NRG1: variants seen among roughly 807,000 people sequenced by gnomAD.
NRG1 encodes the protein neuregulin 1, also known as pro-neuregulin-1, membrane-bound isoform.
In NRG1, 18 loss-of-function variants were observed where a neutral mutation model predicts 63.8. The observed-to-expected ratio is 0.28, with a 90% CI of 0.19 to 0.42. The LOEUF (loss-of-function observed/expected upper bound fraction) is 0.42, where lower values mean the gene tolerates loss of function less well. Ranked by LOEUF, NRG1 falls within the 10% of genes least tolerant of loss-of-function variation. The pLI is 1.00. For missense variants in NRG1, 762 were observed against 814.7 expected, an observed-to-expected ratio of 0.94 and a Z score of 0.79; for synonymous variants, 302 against 301.3, an observed-to-expected ratio of 1.00 and a Z score of -0.02.
intron 1 of NRG1, among the ~76,000 whole-genome samples, chr8:32,064,283 G>A (rs1447390366): frequency 6.6e-6 from 1 of 152,124 alleles, no homozygotes; most frequent in African/African-American, 2.4e-5. Flanking sequence ...AGATGGGATG[G>A]AGATTCTGGA....
intron 1 of NRG1, among the ~76,000 whole-genome samples, chr8:32,500,746 G>A (rs893547840): frequency 1.2e-4 from 18 of 152,124 alleles, no homozygotes; most frequent in Non-Finnish European, 2.2e-4. Context: ...TTAAATTATT[G>A]TGAATTACAG....
chr8:32,223,947 G>A (rs7840307), intron 1 of NRG1, among the ~76,000 whole-genome samples: 59,055 of 151,974 alleles, frequency 0.39, 13,349 homozygotes, highest in Middle Eastern at 0.49. Context: ...GATTTTGGAA[G>A]AGTTCACTGT....
At chr8:32,710,218 A>T (rs1246746191) in intron 5 of NRG1, among the ~76,000 whole-genome samples, 1 of 152,236 alleles carries the variant, frequency 6.6e-6, no homozygotes, top group Non-Finnish European at 1.5e-5. Context: ...AAAGAAAATT[A>T]CAAGTCAACA....
intron 6 of NRG1, among the ~76,000 whole-genome samples, chr8:32,729,340 TC>T (rs2129016670): frequency 6.6e-6 from 1 of 152,356 alleles, no homozygotes; most frequent in African/African-American, 2.4e-5. Context: ...TTTGTTTTCC[TC>T]TTTACCAACA....
At chr8:32,291,533 C>CTTTTTT (rs757839225) in intron 1 of NRG1, among the ~76,000 whole-genome samples, 9 of 98,030 alleles carry the variant, frequency 9.2e-5, no homozygotes, top group South Asian at 3.7e-4. Context: ...TTTTTATCCA[C>CTTTTTT]TTTTTTTTTT....
At chr8:32,197,048 C>T (rs1482347012) in intron 1 of NRG1, among the ~76,000 whole-genome samples, 2 of 145,708 alleles carry the variant, frequency 1.4e-5, no homozygotes, top group Admixed American at 7.2e-5. Flanking sequence ...CAACCTTCGC[C>T]TCCCGGGTTC....
chr8:32,481,954 A>G (rs568126762), intron 1 of NRG1, among the ~76,000 whole-genome samples: 1 of 152,348 alleles, frequency 6.6e-6, no homozygotes, highest in Non-Finnish European at 1.5e-5. Flanking sequence ...TTCTAGCAAC[A>G]GTAAAATACC....
chr8:32,180,616 T>G (rs1841332179), intron 1 of NRG1, among the ~76,000 whole-genome samples: 1 of 152,132 alleles, frequency 6.6e-6, no homozygotes, highest in African/African-American at 2.4e-5. Context: ...TTTATTTTGT[T>G]TAAAATTATT....
intron 1 of NRG1, among the ~76,000 whole-genome samples, chr8:31,662,495 C>T (rs939585161): frequency 3.9e-5 from 6 of 152,170 alleles, no homozygotes; most frequent in Non-Finnish European, 7.3e-5. Context: ...CTACCAGGTG[C>T]ACCTGCCACT....
rs1324737678 is a variant in NRG1, at chr8:32,605,694, C to T, written c.400+11C>T. 6.2e-7 allele frequency: 1 copy of T among 1,611,914 alleles called. No homozygotes were observed. The highest frequency in any genetic ancestry group is 8.5e-7 in the Non-Finnish European group (1 of 1,178,732). On this transcript the variant is annotated intron_variant, in intron 3 of 11. Coordinates refer to ENST00000356819, the Ensembl canonical transcript of NRG1. ...TCGTGGAATCAAACGGTAAGAGATA[C>T]CTACGGTATTCTGTTCCTCAATCTG...
rs899605991 is a variant in NRG1 at position 32,366,699 on chromosome 8, A to G, written c.38-229129A>G. On this transcript the variant is annotated intron_variant, in intron 1 of 10. Coordinates refer to the NRG1 transcript ENST00000519301. ...TGTGTATATATATATATATATATAT[A>G]TATATATATATATATCTCACTTTTT... 1.8e-3 allele frequency among the ~76,000 whole-genome samples: 176 copies of G among 98,194 alleles called. 8 individuals are homozygous for G. The highest frequency in any genetic ancestry group is 2.9e-3 in the Non-Finnish European group (124 of 42,550). The allele number at this position is 98,194 out of a possible 152,430, so 64.4% of individuals were successfully genotyped here.
intron 1 of NRG1, among the ~76,000 whole-genome samples, chr8:31,883,052 A>C (rs989948354): frequency 1.3e-5 from 2 of 152,138 alleles, no homozygotes; most frequent in Non-Finnish European, 2.9e-5. Flanking sequence ...ATGCTATCAA[A>C]GAGCATTATA....
chr8:31,897,186 T>A (rs12677480), intron 1 of NRG1, among the ~76,000 whole-genome samples: 46,702 of 151,966 alleles, frequency 0.31, 8,309 homozygotes, highest in East Asian at 0.74. Context: ...CCAAGGGCAT[T>A]CCAAAGTTAA....
At chr8:32,612,754 C>T (rs919815619) in intron 3 of NRG1, among the ~76,000 whole-genome samples, 1 of 151,810 alleles carries the variant, frequency 6.6e-6, no homozygotes, top group African/African-American at 2.4e-5. Flanking sequence ...TCTTGATATC[C>T]GAATTGGGAT....
At chr8:32,580,055 C>T (rs1409709782) in intron 1 of NRG1, among the ~76,000 whole-genome samples, 2 of 152,120 alleles carry the variant, frequency 1.3e-5, no homozygotes, top group South Asian at 4.1e-4. Flanking sequence ...TATAGTCAGC[C>T]CTTCCTATGC....
intron 1 of NRG1, among the ~76,000 whole-genome samples, chr8:31,824,037 C>T (rs1003797744): frequency 3.3e-5 from 5 of 151,654 alleles, no homozygotes; most frequent in African/African-American, 1.2e-4. Flanking sequence ...TTTTATTATA[C>T]TTTAAGTTTT....
In NRG1 at chr8:31,956,436, T is replaced by C. The variant is rs534538457; in HGVS notation, c.37+317005T>C. 2.6e-5 allele frequency among the ~76,000 whole-genome samples: 4 copies of C among 152,070 alleles called. No individual in the cohort carries two copies. In the East Asian group the frequency reaches 5.8e-4, roughly 22 times the overall value. On this transcript the variant is annotated intron_variant, in intron 1 of 10. Transcript: ENST00000519301. ...ATCGAGACCATCCCGGCTAACATGG[T>C]GAAACCCCATCTCTACTAAAAAAAT...
chr8:32,693,655 A>C (rs530187594), intron 5 of NRG1, among the ~76,000 whole-genome samples: 2 of 152,190 alleles, frequency 1.3e-5, no homozygotes, highest in Non-Finnish European at 2.9e-5. Flanking sequence ...TCTATTTCAG[A>C]AATCATTAGA....
intron 1 of NRG1, among the ~76,000 whole-genome samples, chr8:31,844,066 T>C (rs2129608121): frequency 6.6e-6 from 1 of 152,336 alleles, no homozygotes; most frequent in South Asian, 2.1e-4. Flanking sequence ...GTTACTGTTA[T>C]TATAGATAAA....
Sources: gnomAD v4.1 joint callset for allele counts (sites outside exome capture counted in the v4.1 genomes callset) on GRCh38, gnomAD v4.1.1 for gene constraint, MANE v1.5 for transcripts, NCBI Gene and HGNC (gene_info 2026-07-23, HGNC 2026-07-21) for gene names.